Variants in IL36B observed in about 807,000 individuals in gnomAD.
IL36B encodes the protein interleukin 36 beta.
Under a neutral mutation model 19.3 loss-of-function variants are expected in IL36B, and 23 were observed. The ratio of observed to expected loss-of-function variants is 1.19; its 90% CI spans 0.86 to 1.69. The LOEUF is 1.69. Among genes scored for constraint, IL36B ranks in the 40% most tolerant of loss-of-function variants. The pLI, the probability that IL36B is intolerant of heterozygous loss-of-function variation, is 0.00. For synonymous variants in IL36B, 59 were observed against 59.7 expected, an observed-to-expected ratio of 0.99 and a Z score of 0.05; for missense variants, 217 against 200.5, an observed-to-expected ratio of 1.08 and a Z score of -0.50.
chr2:113,044,481 C>A (rs1185771070), intron 1 of IL36B, among the ~76,000 whole-genome samples: 1 of 151,998 alleles, frequency 6.6e-6, no homozygotes, highest in Non-Finnish European at 1.5e-5. Context: ...TTTGTAAAGA[C>A]AAGGTCTCAC....
intron 3 of IL36B, 142 bp from the exon 4 acceptor site, chr2:113,029,220 T>A: frequency 2.5e-6 from 2 of 812,516 alleles, no homozygotes; most frequent in Non-Finnish European, 3.7e-6. Flanking sequence ...TCAAACCTAT[T>A]TTGTTTTTCG....
chr2:113,034,247 A>G (rs1321209653), intron 1 of IL36B, among the ~76,000 whole-genome samples: 1 of 152,104 alleles, frequency 6.6e-6, no homozygotes, highest in Admixed American at 6.5e-5. Flanking sequence ...CTGCAAGCTT[A>G]TCTTCGCCTG....
At chr2:113,037,600 A>G (rs4848311) in intron 1 of IL36B, among the ~76,000 whole-genome samples, 118,558 of 151,402 alleles carry the variant, frequency 0.78, 47,309 homozygotes, top group East Asian at 0.94. Context: ...GGTGAGCTGA[A>G]ATCACGCCAC....
Position 113,022,151 on chromosome 2 carries a change from T to A in IL36B, c.*523A>T, listed in dbSNP as rs918601825. 3 of 152,272 alleles carry A rather than the reference T, an allele frequency of 2.0e-5. No homozygotes were observed. The highest frequency in any genetic ancestry group is 7.2e-5 in the African/African-American group (3 of 41,466). The allele number at this position is 152,272 out of a possible 1,614,324, so 9.4% of individuals were successfully genotyped here. ...ATTATAGAATTTTTAAGAAGAAATG[T>A]CTTTCAATTACTTTTAATTGTATGT... On this transcript the variant is annotated 3_prime_UTR_variant, in exon 6 of 6. Coordinates refer to ENST00000259213, the MANE Select transcript of IL36B (RefSeq NM_014438.5).
chr2:113,027,810 G>T, intron 4 of IL36B: 1 of 1,534,040 alleles, frequency 6.5e-7, no homozygotes, highest in Non-Finnish European at 8.8e-7. Flanking sequence ...GGGCTGAACT[G>T]CTAGTGAACT....
At chr2:113,047,994 T>A (rs1229356829) in intron 1 of IL36B, among the ~76,000 whole-genome samples, 2 of 152,088 alleles carry the variant, frequency 1.3e-5, no homozygotes, top group African/African-American at 4.8e-5. Flanking sequence ...ATGGTAGATA[T>A]TAATCCAACC....
intron 5 of IL36B, among the ~76,000 whole-genome samples, chr2:113,024,623 C>A (rs574692094): frequency 5.9e-5 from 9 of 152,168 alleles, no homozygotes; most frequent in African/African-American, 2.2e-4. Flanking sequence ...GTTTCTCCTC[C>A]TCTTCTTCCT....
chr2:113,043,186 C>T (rs1322797245), intron 1 of IL36B, among the ~76,000 whole-genome samples: 1 of 152,020 alleles, frequency 6.6e-6, no homozygotes, highest in Non-Finnish European at 1.5e-5. Context: ...GGATACAAGT[C>T]CTTTCTCAGA....
chr2:113,033,059 T>C (rs1046046415), intron 1 of IL36B, among the ~76,000 whole-genome samples: 1 of 152,230 alleles, frequency 6.6e-6, no homozygotes, highest in African/African-American at 2.4e-5. Flanking sequence ...CTAAACTGCA[T>C]GAAGCCATTG....
chr2:113,032,528 A>G (rs548758656), intron 1 of IL36B, among the ~76,000 whole-genome samples: 1 of 152,278 alleles, frequency 6.6e-6, no homozygotes, highest in East Asian at 1.9e-4. Context: ...ACCAACCTGC[A>G]CCCTTGTAAG....
chr2:113,035,867 G>A (rs539388788), intron 1 of IL36B, among the ~76,000 whole-genome samples: 1 of 152,174 alleles, frequency 6.6e-6, no homozygotes, highest in Non-Finnish European at 1.5e-5. Context: ...ATAAAAGAAG[G>A]GAAGTGGTTG....
At chr2:113,046,302 C>A (rs1254036994) in intron 1 of IL36B, among the ~76,000 whole-genome samples, 1 of 150,632 alleles carries the variant, frequency 6.6e-6, no homozygotes, top group East Asian at 2.0e-4. Flanking sequence ...CTCCACCTCC[C>A]GGGTTCATGC....
At chr2:113,040,844 G>A (rs939474584) in intron 1 of IL36B, among the ~76,000 whole-genome samples, 1 of 152,192 alleles carries the variant, frequency 6.6e-6, no homozygotes, top group Non-Finnish European at 1.5e-5. Flanking sequence ...AATAGCACTA[G>A]GCTTTTTTTT....
At chr2:113,047,483 T>A (rs575017995) in intron 1 of IL36B, among the ~76,000 whole-genome samples, 3 of 152,232 alleles carry the variant, frequency 2.0e-5, no homozygotes, top group Non-Finnish European at 4.4e-5. Flanking sequence ...TTCCGTAGTG[T>A]AATTAAGGCT....
At chr2:113,029,167 C>T (rs1413227194) in intron 3 of IL36B, 89 bp from the exon 4 acceptor site, 3 of 1,352,124 alleles carry the variant, frequency 2.2e-6, no homozygotes, top group African/African-American at 1.5e-5. Context: ...TAGTGACAGG[C>T]TCCTCCCATT....
intron 4 of IL36B, among the ~76,000 whole-genome samples, chr2:113,026,578 T>C (rs1684966094): frequency 6.6e-6 from 1 of 152,256 alleles, no homozygotes; most frequent in Non-Finnish European, 1.5e-5. Flanking sequence ...ATGGTATATT[T>C]ATTGCAGTAT....
chr2:113,026,122 G>A lies in IL36B; in HGVS notation c.372C>T (p.Asp124=), dbSNP rs1444600496. The A allele has an allele frequency of 4.3e-6, 7 of 1,613,632 alleles. No individual in the cohort carries two copies. The Admixed American group carries it at 8.3e-5, about 19-fold the overall frequency. ...CCTCACCCACTCCTATTCCCCATTG[G>A]TCAAGGGTTCCCATGAAGCAGCTCT... Residue 124 remains aspartate, a synonymous_variant, in exon 5 of 6, where the codon GAC becomes GAT. Transcript: ENST00000259213.
chr2:113,027,559 C>T lies in IL36B; in HGVS notation c.262-1327G>A. The T allele has an allele frequency of 6.5e-6, 7 of 1,083,714 alleles. No individual in the cohort carries two copies. The South Asian group carries it at 2.3e-4, about 36-fold the overall frequency. The allele number at this position is 1,083,714 out of a possible 1,614,324, so 67.1% of individuals were successfully genotyped here. A position where few individuals can be genotyped will look rare whatever the true frequency, so the allele number is the denominator to read the frequency against. Reference sequence around the variant, plus strand: ...TGAACAAAATGTCATGAATCCACATCTCTACATCATGGGTTGGCAAAAGGA... The same window carrying T: ...TGAACAAAATGTCATGAATCCACATTTCTACATCATGGGTTGGCAAAAGGA... On this transcript the variant is annotated intron_variant, in intron 4 of 5. Transcript: ENST00000259213.
chr2:113,025,512 A>G (rs1488139146), intron 5 of IL36B, among the ~76,000 whole-genome samples: 1 of 152,214 alleles, frequency 6.6e-6, no homozygotes, highest in East Asian at 1.9e-4. Context: ...TTCTGCCTCT[A>G]TGTACCTAGA....
Sources: allele counts gnomAD v4.1 joint callset (sites outside exome capture counted in the v4.1 genomes callset), GRCh38; gene constraint gnomAD v4.1.1; transcripts MANE v1.5; gene names NCBI Gene and HGNC (gene_info 2026-07-23, HGNC 2026-07-21).